ROBO2: variants seen among roughly 807,000 people sequenced by gnomAD.
ROBO2 encodes roundabout guidance receptor 2, also known as roundabout homolog 2.
Under a neutral mutation model 160.8 loss-of-function variants are expected in ROBO2, and 53 were observed. The observed-to-expected ratio is 0.33, with a 90% CI of 0.26 to 0.41. The LOEUF (loss-of-function observed/expected upper bound fraction) is 0.41. Ranked by LOEUF, ROBO2 falls within the 10% of genes least tolerant of loss-of-function variation. The pLI is 1.00. For missense variants in ROBO2, 1,577 were observed against 1,722.4 expected (o/e 0.92, Z 1.49); for synonymous variants, 664 against 611.7 (o/e 1.09, Z -1.26).
chr3:77,388,585 T>C (rs1051549692), intron 2 of ROBO2, among the ~76,000 whole-genome samples: 57 of 152,224 alleles, frequency 3.7e-4, no homozygotes, highest in Non-Finnish European at 6.6e-4. Context: ...CTTATTGTAA[T>C]TTTCTAATGT....
intron 2 of ROBO2, among the ~76,000 whole-genome samples, chr3:76,000,122 G>A (rs2065839545): frequency 6.6e-6 from 1 of 152,078 alleles, no homozygotes; most frequent in Non-Finnish European, 1.5e-5. Context: ...GAAGATGAAA[G>A]GCACGTTTTG....
At chr3:77,619,744 A>G (rs1047499289) in intron 22 of ROBO2, among the ~76,000 whole-genome samples, 1 of 152,094 alleles carries the variant, frequency 6.6e-6, no homozygotes, top group Non-Finnish European at 1.5e-5. Context: ...GGAGTAGCCT[A>G]AGGCCTCTAG....
At chr3:76,584,808 C>G (rs1578324442) in intron 2 of ROBO2, among the ~76,000 whole-genome samples, 1 of 152,138 alleles carries the variant, frequency 6.6e-6, no homozygotes. Flanking sequence ...TGTATAGGAA[C>G]GACTTCTGTC....
intron 2 of ROBO2, among the ~76,000 whole-genome samples, chr3:77,100,711 G>A (rs1244367560): frequency 1.3e-5 from 2 of 152,050 alleles, no homozygotes; most frequent in Non-Finnish European, 2.9e-5. Flanking sequence ...TTCTAGTTGG[G>A]ATGACAAACA....
At chr3:77,075,607 A>C (rs1223365016) in intron 1 of ROBO2, among the ~76,000 whole-genome samples, 1 of 152,050 alleles carries the variant, frequency 6.6e-6, no homozygotes, top group Non-Finnish European at 1.5e-5. Context: ...TATATACAAC[A>C]AAATATGCTA....
intron 2 of ROBO2, among the ~76,000 whole-genome samples, chr3:76,440,888 G>A (rs1322818659): frequency 4.4e-5 from 5 of 113,774 alleles, no homozygotes; most frequent in African/African-American, 3.2e-4. Context: ...CAAACTTCAT[G>A]TGGCATGTGG....
intron 2 of ROBO2, among the ~76,000 whole-genome samples, chr3:75,947,231 C>T (rs1249383431): frequency 2.6e-5 from 4 of 151,032 alleles, no homozygotes; most frequent in African/African-American, 2.4e-5. Flanking sequence ...TAAATTAAGA[C>T]GATAGTTAGA....
chr3:76,183,865 C>A (rs1008667791), intron 2 of ROBO2, among the ~76,000 whole-genome samples: 1 of 152,038 alleles, frequency 6.6e-6, no homozygotes, highest in Non-Finnish European at 1.5e-5. Flanking sequence ...ATTAGATCTG[C>A]CTGCGTCCAG....
chr3:76,263,079 A>G (rs1706868225), intron 2 of ROBO2, among the ~76,000 whole-genome samples: 4 of 152,126 alleles, frequency 2.6e-5, no homozygotes, highest in South Asian at 4.1e-4. Flanking sequence ...TTGTATTTCA[A>G]TCATCCATGT....
At chr3:76,839,033 G>A (rs1403543868) in intron 2 of ROBO2, among the ~76,000 whole-genome samples, 2 of 152,226 alleles carry the variant, frequency 1.3e-5, no homozygotes, top group African/African-American at 4.8e-5. Context: ...AGCCACCACT[G>A]ATGCAATCTA....
At chr3:76,314,520 C>T (rs964945068) in intron 2 of ROBO2, among the ~76,000 whole-genome samples, 1 of 152,008 alleles carries the variant, frequency 6.6e-6, no homozygotes, top group African/African-American at 2.4e-5. Context: ...CAGATTCACT[C>T]ATATGAGAAC....
intron 1 of ROBO2, among the ~76,000 whole-genome samples, chr3:77,066,023 G>A (rs966127772): frequency 1.3e-5 from 2 of 152,034 alleles, no homozygotes; most frequent in Admixed American, 6.6e-5. Flanking sequence ...TCTAGGTCAT[G>A]GGTTTTTAAA....
intron 2 of ROBO2, among the ~76,000 whole-genome samples, chr3:76,806,744 C>T (rs190040331): frequency 6.6e-6 from 1 of 151,932 alleles, no homozygotes; most frequent in Non-Finnish European, 1.5e-5. Context: ...AAATAATAAG[C>T]TTTTGTTTGT....
chr3:76,277,805 T>A (rs1708013754), intron 2 of ROBO2, among the ~76,000 whole-genome samples: 2 of 151,910 alleles, frequency 1.3e-5, no homozygotes, highest in African/African-American at 2.4e-5. Flanking sequence ...AAAAATTAAA[T>A]AAGTAAAAGT....
intron 2 of ROBO2, among the ~76,000 whole-genome samples, chr3:76,863,744 A>G (rs1196238847): frequency 6.6e-6 from 1 of 152,068 alleles, no homozygotes; most frequent in Non-Finnish European, 1.5e-5. Flanking sequence ...AATATATAAC[A>G]TGTAAGTTAA....
At chr3:77,041,126 T>C (rs2064049526) in intron 1 of ROBO2, among the ~76,000 whole-genome samples, 1 of 152,226 alleles carries the variant, frequency 6.6e-6, no homozygotes, top group Non-Finnish European at 1.5e-5. Flanking sequence ...CTCCCAGTTT[T>C]GTTAGAAAAA....
At chr3:77,136,428 T>G (rs2150388819) in intron 2 of ROBO2, among the ~76,000 whole-genome samples, 1 of 151,862 alleles carries the variant, frequency 6.6e-6, no homozygotes, top group African/African-American at 2.4e-5. Context: ...AAGTTAGTCT[T>G]GTTAATTCAT....
chr3:76,895,857 A>T (rs991483839), intron 2 of ROBO2, among the ~76,000 whole-genome samples: 5 of 152,160 alleles, frequency 3.3e-5, no homozygotes, highest in African/African-American at 1.2e-4. Flanking sequence ...TCTCCCAAGA[A>T]TGTCCTTTGT....
intron 2 of ROBO2, among the ~76,000 whole-genome samples, chr3:77,012,921 A>T (rs2062006476): frequency 6.6e-6 from 1 of 152,132 alleles, no homozygotes; most frequent in Non-Finnish European, 1.5e-5. Context: ...GCGTTCCCAG[A>T]TGTGTTACCA....
Sources: gnomAD v4.1 joint callset for allele counts (sites outside exome capture counted in the v4.1 genomes callset) on GRCh38, gnomAD v4.1.1 for gene constraint, MANE v1.5 for transcripts, NCBI Gene and HGNC (gene_info 2026-07-23, HGNC 2026-07-21) for gene names.